Variants in PRICKLE2 observed in about 807,000 individuals in gnomAD.
PRICKLE2 encodes the protein prickle-like protein 2.
In PRICKLE2, 21 loss-of-function variants were observed where a neutral mutation model predicts 81.4. The observed-to-expected ratio is 0.26, with a 90% confidence interval of 0.18 to 0.37. PRICKLE2 has a LOEUF of 0.37. Among genes scored for constraint, PRICKLE2 ranks in the 10% least tolerant of loss-of-function variants. The pLI, the probability that PRICKLE2 is intolerant of heterozygous loss-of-function variation, is 1.00. For synonymous variants in PRICKLE2, 456 were observed against 421.5 expected (o/e 1.08, Z -1.00); for missense variants, 940 against 1,109.0 (o/e 0.85, Z 2.16).
rs2078198216 is a variant in PRICKLE2 at position 64,184,992 on chromosome 3, T to C, written c.144+13792A>G. On this transcript the variant is annotated intron_variant, in intron 2 of 7. Coordinates refer to ENST00000638394, the MANE Select transcript of PRICKLE2 (RefSeq NM_198859.4). ...TGGTTGGCACTGCAGCTTTTTTCCC[T>C]GGTTGCCTCTCTAAGGCTATGATTC... 2.0e-5 allele frequency among the ~76,000 whole-genome samples: 3 copies of C among 152,216 alleles called. 1 individual carries two copies. In the South Asian group the frequency reaches 6.2e-4, roughly 32 times the overall value.
Position 64,233,939 on chromosome 3 carries a change from C to T in PRICKLE2, c.129-34972G>A, listed in dbSNP as rs1490975531. Among the ~76,000 whole-genome samples, 3 of 152,236 alleles carry T rather than the reference C, an allele frequency of 2.0e-5. No individual in the cohort carries two copies. The East Asian group carries it at 5.8e-4, about 29-fold the overall frequency. On this transcript the variant is annotated intron_variant, in intron 2 of 8. Coordinates refer to the PRICKLE2 transcript ENST00000295902. ...ATTAGTGAAAACATATAATATGTGG[C>T]CCTTTGTGCCTGGCTCTTCACCTAG...
chr3:64,099,834 A>T lies in PRICKLE2; in HGVS notation c.1752T>A (p.Ser584=), dbSNP rs886058798. ...DLSKDSGMNV[S]EKLSNMGTLN... is the part of the protein sequence containing the mutation. ...GAGTGCCCATGTTGCTCAGCTTCTCAGACACATTCATTCCAGAGTCTTTGC... is the reference window on the plus strand; with the variant it reads ...GAGTGCCCATGTTGCTCAGCTTCTCTGACACATTCATTCCAGAGTCTTTGC... The change falls in exon 8 of 8, where the codon TCT becomes TCA. Residue 584 remains serine, a synonymous_variant. Transcript: ENST00000638394. The surrounding 1 kb of genome is among the most constrained non-coding windows in gnomAD (Gnocchi z 4.3). 6.2e-7 allele frequency: 1 copy of T among 1,614,212 alleles called. No homozygotes were observed. Among genetic ancestry groups the T allele is most frequent in the Middle Eastern group, 1.6e-4 (1 of 6,062 alleles).
At chr3:64,109,690 C>G (rs991110379) in intron 7 of PRICKLE2, among the ~76,000 whole-genome samples, 2 of 152,204 alleles carry the variant, frequency 1.3e-5, no homozygotes, top group African/African-American at 4.8e-5. Flanking sequence ...TGTTTAGGCC[C>G]AAACTAAATA....
intron 2 of PRICKLE2, among the ~76,000 whole-genome samples, chr3:64,178,933 T>C (rs1267539879): frequency 6.6e-6 from 1 of 152,172 alleles, no homozygotes; most frequent in Non-Finnish European, 1.5e-5. Context: ...CTATAACTCA[T>C]GCCTGACTGA....
chr3:64,208,025 C>T (rs1034686899), intron 1 of PRICKLE2, among the ~76,000 whole-genome samples: 12 of 152,280 alleles, frequency 7.9e-5, no homozygotes, highest in African/African-American at 2.2e-4. Flanking sequence ...TTCACATGCA[C>T]GCACAACACC....
At chr3:64,185,003 C>G (rs1356011582) in intron 2 of PRICKLE2, among the ~76,000 whole-genome samples, 10 of 152,168 alleles carry the variant, frequency 6.6e-5, no homozygotes, top group African/African-American at 2.4e-4. Context: ...GGTTGCCTCT[C>G]TAAGGCTATG....
At chr3:64,151,753 A>C (rs931333823) in intron 6 of PRICKLE2, among the ~76,000 whole-genome samples, 9 of 152,168 alleles carry the variant, frequency 5.9e-5, no homozygotes, top group Non-Finnish European at 1.2e-4. Context: ...GTCACTTGTC[A>C]CAACTGATCT....
At position 64,108,730 on chromosome 3, in the gene PRICKLE2, G is replaced by C. The variant is rs973110961; in HGVS notation, c.1661-8805C>G. Among the ~76,000 whole-genome samples, 3 of 152,124 alleles carry C rather than the reference G, an allele frequency of 2.0e-5. No homozygotes were observed. The South Asian group carries it at 6.2e-4, about 32-fold the overall frequency. On this transcript the variant is annotated intron_variant, in intron 7 of 7. Transcript: ENST00000638394. ...TTAGAGGAACACCAAGATGATGGGA[G>C]TTTCAAGGACGATTTTCTTTGCAAC...
At chr3:64,166,724 A>C (rs984369973) in intron 2 of PRICKLE2, among the ~76,000 whole-genome samples, 2 of 152,220 alleles carry the variant, frequency 1.3e-5, no homozygotes, top group Non-Finnish European at 2.9e-5. Flanking sequence ...ATAAGTTAAT[A>C]TTAATTAACA....
chr3:64,113,619 C>T (rs2076885799), intron 7 of PRICKLE2, among the ~76,000 whole-genome samples: 1 of 152,162 alleles, frequency 6.6e-6, no homozygotes, highest in African/African-American at 2.4e-5. Context: ...GCTTTCCTTG[C>T]CCTGCCAGCA....
chr3:64,230,820 C>T lies in PRICKLE2; in HGVS notation c.129-31853G>A, dbSNP rs570893055. Among the ~76,000 whole-genome samples the T allele has an allele frequency of 7.9e-5, 12 of 152,314 alleles. No homozygotes were observed. In the South Asian group the frequency reaches 2.5e-3, roughly 32 times the overall value. Reference sequence around the variant, plus strand: ...TAGATGAACTGAGATATATAAAGTACTGTGTAGAGTACCTAGCATATAGTA... The same window carrying T: ...TAGATGAACTGAGATATATAAAGTATTGTGTAGAGTACCTAGCATATAGTA... On this transcript the variant is annotated intron_variant, in intron 2 of 8. Coordinates refer to the PRICKLE2 transcript ENST00000295902.
rs1438910374 is a variant in PRICKLE2 at position 64,095,114 on chromosome 3, A to G, written c.*3937T>C. ...AGAAGGTGGGATTACATGAAGAATA[A>G]GATGAAGTCTTACCTCACCTCTGCA... On this transcript the variant is annotated 3_prime_UTR_variant, in exon 8 of 8. Coordinates refer to ENST00000638394, the MANE Select transcript of PRICKLE2 (RefSeq NM_198859.4). The G allele has an allele frequency of 1.3e-5, 2 of 152,470 alleles. No individual in the cohort carries two copies. The highest frequency in any genetic ancestry group is 4.8e-5 in the African/African-American group (2 of 41,444). 9.4% of individuals were successfully genotyped at this position (152,470 alleles called of 1,614,324 possible). A position where few individuals can be genotyped will look rare whatever the true frequency, so the allele number is the denominator to read the frequency against.
chr3:64,256,920 TGG>T (rs1409646020), intron 2 of PRICKLE2, among the ~76,000 whole-genome samples: 2 of 152,242 alleles, frequency 1.3e-5, no homozygotes, highest in Non-Finnish European at 2.9e-5. Flanking sequence ...GAGTCTTTTT[TGG>T]CACTGAGTCT....
chr3:64,189,050 C>T (rs1305943456), intron 2 of PRICKLE2, among the ~76,000 whole-genome samples: 1 of 152,204 alleles, frequency 6.6e-6, no homozygotes, highest in Admixed American at 6.5e-5. Context: ...ACAGCTGTCC[C>T]CTAGTGCCTA....
chr3:64,258,865 G>GAAAGAAAGAAAT (rs2079572074), intron 2 of PRICKLE2, among the ~76,000 whole-genome samples: 1 of 141,832 alleles, frequency 7.1e-6, no homozygotes, highest in Non-Finnish European at 1.5e-5. Context: ...AAGAAAGAAA[G>GAAAGAAAGAAAT]AAAGAAAGAA....
chr3:64,217,059 T>C (rs189713644), intron 1 of PRICKLE2, among the ~76,000 whole-genome samples: 2 of 152,320 alleles, frequency 1.3e-5, no homozygotes, highest in Admixed American at 1.3e-4. Flanking sequence ...CTGAGGGCTA[T>C]GCAGTTGCTG....
chr3:64,217,296 A>G (rs2078887203), intron 1 of PRICKLE2, among the ~76,000 whole-genome samples: 1 of 152,190 alleles, frequency 6.6e-6, no homozygotes, highest in Non-Finnish European at 1.5e-5. Flanking sequence ...AGAAAAAAAG[A>G]CTATTAAAAC....
At chr3:64,267,146 C>T (rs1018465721) in intron 2 of PRICKLE2, among the ~76,000 whole-genome samples, 5 of 152,058 alleles carry the variant, frequency 3.3e-5, no homozygotes. Flanking sequence ...GTAATCCCAA[C>T]CTTCACCAAG....
intron 6 of PRICKLE2, 105 bp downstream of exon 6, chr3:64,153,077 T>A (rs1423496773): frequency 2.8e-6 from 3 of 1,062,916 alleles, no homozygotes; most frequent in Non-Finnish European, 2.9e-6. Context: ...TAAGTTAGCA[T>A]GAGTTGGGTT....
Sources: allele counts gnomAD v4.1 joint callset (sites outside exome capture counted in the v4.1 genomes callset), GRCh38; gene constraint gnomAD v4.1.1; non-coding constraint Gnocchi (gnomAD v3.1); transcripts MANE v1.5; gene names NCBI Gene and HGNC (gene_info 2026-07-23, HGNC 2026-07-21).